Variants in ABLIM3 observed in about 807,000 individuals in gnomAD.
ABLIM3 encodes the protein actin-binding LIM protein 3.
A neutral mutation model predicts 109.5 loss-of-function variants in ABLIM3; 61 were observed. The ratio of observed to expected loss-of-function variants is 0.56; its 90% CI spans 0.45 to 0.69. ABLIM3 has a LOEUF of 0.69. Among genes scored for constraint, ABLIM3 ranks in the 30% least tolerant of loss-of-function variants. The pLI is 0.00. For synonymous variants in ABLIM3, 300 were observed against 324.8 expected (o/e 0.92, Z 0.82); for missense variants, 796 against 889.5 (o/e 0.89, Z 1.34).
chr5:149,200,960 C>T (rs1758431007), intron 5 of ABLIM3, among the ~76,000 whole-genome samples: 1 of 152,120 alleles, frequency 6.6e-6, no homozygotes, highest in Non-Finnish European at 1.5e-5. Context: ...AGGGATGGAA[C>T]CTAGGAATCA....
chr5:149,217,094 G>A, intron 8 of ABLIM3, 48 bp downstream of exon 8: 3 of 1,532,090 alleles, frequency 2.0e-6, no homozygotes, highest in East Asian at 2.3e-5. Flanking sequence ...GCTCATGACT[G>A]GAAAGGAGAT....
chr5:149,185,881 C>T (rs1407802955), intron 3 of ABLIM3, among the ~76,000 whole-genome samples: 3 of 152,200 alleles, frequency 2.0e-5, no homozygotes, highest in Non-Finnish European at 4.4e-5. Context: ...CTCCCAATGC[C>T]TTATTTCATC....
intron 16 of ABLIM3, 150 bp downstream of exon 16, chr5:149,245,165 A>G: frequency 4.4e-6 from 5 of 1,130,834 alleles, no homozygotes; most frequent in Non-Finnish European, 6.2e-6. Context: ...CATTCAACAA[A>G]TATGTACTAA....
chr5:149,179,466 T>A (rs2127470865), intron 2 of ABLIM3, among the ~76,000 whole-genome samples: 1 of 152,330 alleles, frequency 6.6e-6, no homozygotes. Context: ...CTGCTCATGA[T>A]CTTTTGTTTC....
chr5:149,253,963 G>A (rs1754196951), intron 23 of ABLIM3, among the ~76,000 whole-genome samples: 1 of 152,196 alleles, frequency 6.6e-6, no homozygotes, highest in Non-Finnish European at 1.5e-5. Context: ...GGAAGGCAAA[G>A]GAGGAGTAAA....
chr5:149,175,043 C>A (rs547346452), intron 2 of ABLIM3, among the ~76,000 whole-genome samples: 1 of 152,314 alleles, frequency 6.6e-6, no homozygotes, highest in East Asian at 1.9e-4. Flanking sequence ...TCACAAGGAA[C>A]TGACTCAGCA....
chr5:149,228,456 TCTTTGTTAAA>T (rs1761533992), intron 8 of ABLIM3, among the ~76,000 whole-genome samples: 1 of 152,224 alleles, frequency 6.6e-6, no homozygotes, highest in Non-Finnish European at 1.5e-5. Flanking sequence ...CACATGCATT[TCTTTGTTAAA>T]CACACATGGG....
At chr5:149,193,604 G>A (rs1757704018) in intron 3 of ABLIM3, among the ~76,000 whole-genome samples, 1 of 152,048 alleles carries the variant, frequency 6.6e-6, no homozygotes, top group Non-Finnish European at 1.5e-5. Flanking sequence ...TAGAAATTAA[G>A]AAATCAGTTA....
chr5:149,148,544 C>T (rs4147470), intron 2 of ABLIM3, among the ~76,000 whole-genome samples: 65,486 of 152,042 alleles, frequency 0.43, 15,040 homozygotes, highest in Admixed American at 0.61. Context: ...GTCTCCTGAC[C>T]TACTGAGGCA....
At chr5:149,172,193 G>A (rs1291741873) in intron 2 of ABLIM3, among the ~76,000 whole-genome samples, 14 of 152,036 alleles carry the variant, frequency 9.2e-5, no homozygotes, top group Admixed American at 9.2e-4. Context: ...ATGTATTGGG[G>A]TGCAAATAAC....
chr5:149,230,610 T>G, intron 8 of ABLIM3, 39 bp from the exon 9 acceptor site: 2 of 1,610,808 alleles, frequency 1.2e-6, no homozygotes, highest in Middle Eastern at 1.7e-4. Context: ...CTGGAGGGTT[T>G]GAAAGGTCTG....
intron 6 of ABLIM3, among the ~76,000 whole-genome samples, chr5:149,209,803 C>T (rs1405933827): frequency 1.3e-5 from 2 of 152,326 alleles, no homozygotes; most frequent in East Asian, 1.9e-4. Flanking sequence ...ACCTCCAGAC[C>T]TTGGTCGGAC....
intron 4 of ABLIM3, among the ~76,000 whole-genome samples, chr5:149,199,708 A>T (rs1293510309): frequency 1.3e-5 from 2 of 152,252 alleles, no homozygotes; most frequent in Non-Finnish European, 2.9e-5. Context: ...CATAACAGGC[A>T]TCCCACTGCA....
chr5:149,233,480 T>C (rs1001428326), intron 10 of ABLIM3, among the ~76,000 whole-genome samples, 180 bp downstream of exon 10: 1 of 152,106 alleles, frequency 6.6e-6, no homozygotes, highest in Non-Finnish European at 1.5e-5. Flanking sequence ...AGGACATAGA[T>C]CCCGCCCTCA....
chr5:149,246,408 T>C (rs541647527), intron 16 of ABLIM3, 74 bp from the exon 17 acceptor site: 1 of 1,406,498 alleles, frequency 7.1e-7, no homozygotes, highest in African/African-American at 1.8e-5. Flanking sequence ...CTTTTCTTTT[T>C]TAAAAAAAAA....
chr5:149,164,619 A>C lies in ABLIM3; in HGVS notation c.14-18833A>C, dbSNP rs77843050. Among the ~76,000 whole-genome samples the C allele has an allele frequency of 8.7e-3, 1,319 of 152,266 alleles. 14 individuals carry two copies. Among genetic ancestry groups the C allele is most frequent in the African/African-American group, 0.03 (1,243 of 41,532 alleles). On this transcript the variant is annotated intron_variant, in intron 2 of 23. Transcript: ENST00000309868. ...ACAAGACATCCAAGGATTCTGATGC[A>C]TACTCGTTTGAGAATGCATCAGGAT... is the stretch of plus-strand genomic sequence containing the variant.
At chr5:149,243,834 G>A (rs1753088253) in intron 15 of ABLIM3, 1 of 152,284 alleles carries the variant, frequency 6.6e-6, no homozygotes, top group Admixed American at 6.5e-5. Context: ...AGAGGAGTCT[G>A]GGGTGGAGGT....
intron 5 of ABLIM3, among the ~76,000 whole-genome samples, chr5:149,203,923 GA>G (rs1208840471): frequency 6.6e-6 from 1 of 152,214 alleles, no homozygotes; most frequent in Non-Finnish European, 1.5e-5. Context: ...GAGCATAAAT[GA>G]CTTGCCCAAA....
intron 18 of ABLIM3, among the ~76,000 whole-genome samples, chr5:149,248,185 A>T (rs1753572429): frequency 6.6e-6 from 1 of 152,196 alleles, no homozygotes; most frequent in East Asian, 1.9e-4. Flanking sequence ...CCCCGTCTCA[A>T]TCCCCTGGGC....
Sources: gnomAD v4.1 joint callset for allele counts (sites outside exome capture counted in the v4.1 genomes callset) on GRCh38, gnomAD v4.1.1 for gene constraint, MANE v1.5 for transcripts, NCBI Gene and HGNC (gene_info 2026-07-23, HGNC 2026-07-21) for gene names.